The following FILIP1 variants were observed in gnomAD, a reference collection of about 807,000 sequenced individuals.
The protein encoded by FILIP1 is filamin A interacting protein 1, also known as filamin-A-interacting protein 1.
In FILIP1, 61 loss-of-function variants were observed where a neutral mutation model predicts 102.1. The ratio of observed to expected loss-of-function variants is 0.60; its 90% CI spans 0.49 to 0.74. The LOEUF is 0.74. Ranked by LOEUF, FILIP1 falls within the 30% of genes least tolerant of loss-of-function variation. FILIP1 has a pLI of 0.00. For missense variants in FILIP1, 1,314 were observed against 1,441.2 expected, an observed-to-expected ratio of 0.91 and a Z score of 1.43; for synonymous variants, 491 against 526.9, an observed-to-expected ratio of 0.93 and a Z score of 0.93.
At chr6:75,437,438 G>A (rs562224077) in intron 1 of FILIP1, among the ~76,000 whole-genome samples, 2 of 152,124 alleles carry the variant, frequency 1.3e-5, no homozygotes, top group Non-Finnish European at 2.9e-5. Context: ...TAAGAATATT[G>A]GCTTTCTCAT....
intron 1 of FILIP1, among the ~76,000 whole-genome samples, chr6:75,430,531 G>T (rs531923822): frequency 4.6e-5 from 7 of 151,904 alleles, no homozygotes; most frequent in African/African-American, 1.7e-4. Flanking sequence ...TAGTATAAAA[G>T]ACATCATAAA....
chr6:75,350,191 T>C (rs958641255), intron 4 of FILIP1, among the ~76,000 whole-genome samples: 2 of 151,988 alleles, frequency 1.3e-5, no homozygotes, highest in Non-Finnish European at 2.9e-5. Context: ...TGAGCTGAGA[T>C]AAAACGTTGA....
At chr6:75,386,981 T>C (rs1562531439) in intron 2 of FILIP1, among the ~76,000 whole-genome samples, 1 of 151,504 alleles carries the variant, frequency 6.6e-6, no homozygotes, top group Non-Finnish European at 1.5e-5. Flanking sequence ...TGCCTAATGC[T>C]ATCCTCCCTT....
intron 1 of FILIP1, among the ~76,000 whole-genome samples, chr6:75,441,757 G>C (rs2149721721): frequency 1.4e-5 from 2 of 146,172 alleles, no homozygotes; most frequent in East Asian, 2.1e-4. Flanking sequence ...CGGGCAGAGG[G>C]GCTCCTCACT....
intron 2 of FILIP1, among the ~76,000 whole-genome samples, chr6:75,393,319 T>C (rs1045517593): frequency 6.6e-6 from 1 of 152,122 alleles, no homozygotes; most frequent in African/African-American, 2.4e-5. Context: ...AAGTACCTAA[T>C]ATATGAAGAT....
intron 1 of FILIP1, among the ~76,000 whole-genome samples, chr6:75,487,883 T>G (rs1779838395): frequency 6.6e-6 from 1 of 152,052 alleles, no homozygotes; most frequent in Non-Finnish European, 1.5e-5. Context: ...GGGTCCTTGG[T>G]CAGTGAAGCA....
chr6:75,364,795 A>G (rs935687746), intron 2 of FILIP1, among the ~76,000 whole-genome samples: 17 of 152,238 alleles, frequency 1.1e-4, no homozygotes, highest in Admixed American at 8.5e-4. Context: ...AATCCTTGGC[A>G]TCATCCAAAG....
chr6:75,396,344 G>A (rs889799890), intron 2 of FILIP1, among the ~76,000 whole-genome samples: 1 of 151,958 alleles, frequency 6.6e-6, no homozygotes, highest in African/African-American at 2.4e-5. Flanking sequence ...GGACAAGACT[G>A]CAGGAAGGGC....
chr6:75,300,173 G>A (rs1225438205), intron 6 of FILIP1, among the ~76,000 whole-genome samples: 1 of 151,974 alleles, frequency 6.6e-6, no homozygotes, highest in African/African-American at 2.4e-5. Flanking sequence ...CACTTTAATA[G>A]CTAGCCTCTA....
chr6:75,427,751 C>T (rs1777676235), intron 1 of FILIP1, among the ~76,000 whole-genome samples: 1 of 152,122 alleles, frequency 6.6e-6, no homozygotes, highest in African/African-American at 2.4e-5. Flanking sequence ...TTGAAGAGGC[C>T]TCTCTATCCC....
intron 4 of FILIP1, among the ~76,000 whole-genome samples, chr6:75,326,493 C>G (rs904343541): frequency 1.3e-5 from 2 of 152,018 alleles, no homozygotes; most frequent in African/African-American, 4.8e-5. Flanking sequence ...CCACCTGTTC[C>G]CCAAAAACTA....
rs1231938435 is a variant in FILIP1 at position 75,372,793 on chromosome 6, A to AGAAG, written c.277-9880_277-9877dup. 1.7e-3 allele frequency among the ~76,000 whole-genome samples: 72 copies of AGAAG among 41,498 alleles called. 10 individuals are homozygous for AGAAG. Among genetic ancestry groups the AGAAG allele is most frequent in the South Asian group, 4.9e-3 (5 of 1,014 alleles). The allele number at this position is 41,498 out of a possible 152,430, so 27.2% of individuals were successfully genotyped here. On this transcript the variant is annotated intron_variant, in intron 2 of 5. Coordinates refer to ENST00000237172, the MANE Select transcript of FILIP1 (RefSeq NM_015687.5). ...AAGAAAGAAAGAAAGAAAGAAAGAA[A>AGAAG]GAAGGAAAGAAAGAAAGAAAAGAGT... is the stretch of plus-strand genomic sequence containing the variant.
chr6:75,396,081 C>T (rs1042444030), intron 2 of FILIP1, among the ~76,000 whole-genome samples: 8 of 150,662 alleles, frequency 5.3e-5, no homozygotes, highest in African/African-American at 2.0e-4. Flanking sequence ...TTCCATAACA[C>T]ATAATGAAAA....
intron 2 of FILIP1, among the ~76,000 whole-genome samples, chr6:75,401,779 A>C (rs1353715519): frequency 4.6e-5 from 7 of 152,058 alleles, no homozygotes; most frequent in Non-Finnish European, 1.0e-4. Flanking sequence ...TGGAATCACA[A>C]ATTCATCATG....
At chr6:75,397,231 G>T (rs972365778) in intron 2 of FILIP1, among the ~76,000 whole-genome samples, 1 of 151,332 alleles carries the variant, frequency 6.6e-6, no homozygotes, top group Non-Finnish European at 1.5e-5. Context: ...CCAACATAAA[G>T]TACCTATTTA....
At chr6:75,462,199 T>C (rs748545502) in intron 1 of FILIP1, among the ~76,000 whole-genome samples, 3 of 152,164 alleles carry the variant, frequency 2.0e-5, no homozygotes, top group Non-Finnish European at 2.9e-5. Context: ...TCCAGATAGA[T>C]CACAATCAGA....
rs191191955 is a variant in FILIP1 at position 75,413,133 on chromosome 6, T to C, written c.276+1564A>G. Among the ~76,000 whole-genome samples the C allele has an allele frequency of 3.5e-3, 535 of 152,278 alleles. 3 individuals are homozygous for C. The highest frequency in any genetic ancestry group is 0.012 in the African/African-American group (509 of 41,570). ...CTTAAATACTTTCCAGAGTTCACCA[T>C]GATGTAATAGCATTACGCAGAAATT... is the stretch of plus-strand genomic sequence containing the variant. On this transcript the variant is annotated intron_variant, in intron 2 of 5. Coordinates refer to ENST00000237172, the MANE Select transcript of FILIP1 (RefSeq NM_015687.5).
At chr6:75,347,166 A>C (rs1207003007) in intron 4 of FILIP1, among the ~76,000 whole-genome samples, 1 of 152,124 alleles carries the variant, frequency 6.6e-6, no homozygotes, top group Non-Finnish European at 1.5e-5. Flanking sequence ...GCGAAAAGTT[A>C]TTTTTTCTTA....
At chr6:75,296,475 T>TTTTTTTTATTATTATTATTA (rs565379089) in intron 6 of FILIP1, 6 of 140,396 alleles carry the variant, frequency 4.3e-5, no homozygotes, top group African/African-American at 1.6e-4. Context: ...ACTCTATATG[T>TTTTTTTTATTATTATTATTA]TTATTATTAT....
Sources: allele counts gnomAD v4.1 joint callset (sites outside exome capture counted in the v4.1 genomes callset), GRCh38; gene constraint gnomAD v4.1.1; transcripts MANE v1.5; gene names NCBI Gene and HGNC (gene_info 2026-07-23, HGNC 2026-07-21).